Variants in LAMA1 observed in about 807,000 individuals in gnomAD.
LAMA1 encodes laminin subunit alpha-1.
A neutral mutation model predicts 348.7 loss-of-function variants in LAMA1; 219 were observed. That is an observed-to-expected ratio of 0.63 (90% confidence interval 0.56 to 0.70). The LOEUF (loss-of-function observed/expected upper bound fraction) is 0.70. Ranked by LOEUF, LAMA1 falls within the 30% of genes least tolerant of loss-of-function variation. The pLI is 0.00. For synonymous variants in LAMA1, 1,487 were observed against 1,491.0 expected (o/e 1.00, Z 0.06); for missense variants, 3,744 against 3,888.0 (o/e 0.96, Z 0.99).
intron 1 of LAMA1, among the ~76,000 whole-genome samples, chr18:7,103,402 C>T (rs1268008663): frequency 2.0e-5 from 3 of 151,378 alleles, no homozygotes; most frequent in African/African-American, 7.3e-5. Context: ...GAGACTCCAT[C>T]TCAAAAATAA....
chr18:7,057,541 C>T (rs1460421892), intron 3 of LAMA1, among the ~76,000 whole-genome samples: 1 of 141,184 alleles, frequency 7.1e-6, no homozygotes, highest in Non-Finnish European at 1.5e-5. Context: ...ATGGCGTGGT[C>T]ACAGCTCACT....
rs1555643827 is a variant in LAMA1 at position 6,959,451 on chromosome 18, T to C, written c.7668A>G (p.Val2556=). The change falls in exon 54 of 63, where the codon GTA becomes GTG. Residue 2556 remains valine, a synonymous_variant. Transcript: ENST00000389658. The part of the protein sequence containing the change: ...SVMLIGGNIE[V]HVNPGDGTGL... ...CTGTCCCATCCCCAGGATTGACATG[T>C]ACCTCAATGTTGCCTCCGATCAGCA... 6.2e-7 allele frequency: 1 copy of C among 1,614,222 alleles called. No individual in the cohort carries two copies. Among genetic ancestry groups the C allele is most frequent in the South Asian group, 1.1e-5 (1 of 91,080 alleles).
At chr18:6,979,288 T>C (rs1245012645) in intron 42 of LAMA1, among the ~76,000 whole-genome samples, 3 of 152,174 alleles carry the variant, frequency 2.0e-5, no homozygotes, top group Non-Finnish European at 4.4e-5. Flanking sequence ...CCAGGTAACT[T>C]CCATGCTTAC....
In LAMA1 at chr18:6,943,353, T is replaced by C. The variant is rs2057508374; in HGVS notation, c.8894A>G (p.Glu2965Gly). Residue 2965 changes from glutamate (E) to glycine (G), a missense_variant, in exon 62 of 63, where the codon GAG becomes GGG. By Grantham distance (98) the Glu-to-Gly change is moderately conservative. Around this residue, in one of 3 missense-constraint regions of LAMA1, gnomAD observed 232 missense variants for 264.4 expected, o/e 0.88. Coordinates refer to ENST00000389658, the MANE Select transcript of LAMA1 (RefSeq NM_005559.4). ...ACAGAGCACAGTGGCGGTTTTGGGC[T>C]CATATGCAGCTGTTATCCTGCCAGC... ...NGAGRITAAY[E>G]PKTATVLCDG... 4.3e-6 allele frequency: 7 copies of C among 1,614,148 alleles called. No homozygotes were observed. Among genetic ancestry groups the C allele is most frequent in the Non-Finnish European group, 5.1e-6 (6 of 1,180,030 alleles).
chr18:6,987,640 A>G (rs1045111437), intron 36 of LAMA1, among the ~76,000 whole-genome samples: 2 of 152,192 alleles, frequency 1.3e-5, no homozygotes, highest in African/African-American at 4.8e-5. Context: ...TTGTCAGGAC[A>G]ATTTTGAAAA....
At position 6,966,243 on chromosome 18, in the gene LAMA1, C is replaced by T; in HGVS notation, c.6954G>A (p.Val2318=). 1.2e-6 allele frequency: 2 copies of T among 1,613,920 alleles called. No homozygotes were observed. The highest frequency in any genetic ancestry group is 1.7e-6 in the Non-Finnish European group (2 of 1,179,948). ...FHFDGSGYSV[V]EKSLPATVTQ... ...TCACGGTAGCCGGAAGTGACTTCTC[C>T]ACGACAGAGTACCCACTCCCGTCAA... is the stretch of plus-strand genomic sequence containing the variant. Residue 2318 remains valine, a synonymous_variant, in exon 49 of 63, where the codon GTG becomes GTA. Transcript: ENST00000389658.
At chr18:7,005,902 C>G (rs2057829815) in intron 29 of LAMA1, among the ~76,000 whole-genome samples, 1 of 152,114 alleles carries the variant, frequency 6.6e-6, no homozygotes, top group Non-Finnish European at 1.5e-5. Context: ...AAACCAGAAT[C>G]AAAATGTGGC....
chr18:7,012,184 T>A (rs780113145), intron 23 of LAMA1, 46 bp from the exon 24 acceptor site: 1 of 1,593,504 alleles, frequency 6.3e-7, no homozygotes, highest in Non-Finnish European at 8.6e-7. Context: ...AAAAAAGAGA[T>A]GTGATTTCTG....
chr18:7,063,420 G>A (rs759259294), intron 3 of LAMA1, among the ~76,000 whole-genome samples: 4 of 152,052 alleles, frequency 2.6e-5, no homozygotes, highest in African/African-American at 7.2e-5. Context: ...AAATGGTGCA[G>A]GTACTATGGA....
chr18:7,048,314 G>A (rs759949172), intron 5 of LAMA1, among the ~76,000 whole-genome samples: 19 of 152,214 alleles, frequency 1.2e-4, no homozygotes, highest in South Asian at 2.1e-4. Flanking sequence ...CAGGAACAGC[G>A]GGCATAAAAA....
chr18:7,116,148 A>T (rs140358014), intron 1 of LAMA1, among the ~76,000 whole-genome samples: 1 of 152,324 alleles, frequency 6.6e-6, no homozygotes, highest in East Asian at 1.9e-4. Context: ...ACTTTCTCCA[A>T]AAACCACTCA....
chr18:6,985,194 A>G lies in LAMA1; in HGVS notation c.5660+43T>C, dbSNP rs2057728585. 2.5e-6 allele frequency: 4 copies of G among 1,611,510 alleles called. No homozygotes were observed. The East Asian group carries it at 8.9e-5, about 36-fold the overall frequency. On this transcript the variant is annotated intron_variant, in intron 39 of 62. Coordinates refer to ENST00000389658, the MANE Select transcript of LAMA1 (RefSeq NM_005559.4). ...AAACATCCATCTATTTCTCCGATCA[A>G]TAGACTGCAAGCTCTTGAGTTCCCA...
In LAMA1 at chr18:6,979,761, C is replaced by CGT. The variant is rs1293342512; in HGVS notation, c.6007+759_6007+760insAC. On this transcript the variant is annotated intron_variant, in intron 42 of 62. Transcript: ENST00000389658. ...AAAAATACAAAAAATTAGCCGGGGA[C>CGT]GGTGGCGGGCGCCTGTAGTCCCAGC... Among the ~76,000 whole-genome samples the CGT allele has an allele frequency of 3.9e-3, 586 of 151,016 alleles. 4 individuals are homozygous for CGT. The highest frequency in any genetic ancestry group is 8.6e-3 in the African/African-American group (352 of 40,754).
At chr18:6,964,882 C>A in intron 50 of LAMA1, 79 bp from the exon 51 acceptor site, 1 of 1,507,392 alleles carries the variant, frequency 6.6e-7, no homozygotes. Flanking sequence ...CTTCTGGCAA[C>A]AAAGCTCATT....
At chr18:7,099,635 A>G (rs1188505893) in intron 1 of LAMA1, among the ~76,000 whole-genome samples, 2 of 152,082 alleles carry the variant, frequency 1.3e-5, no homozygotes, top group Non-Finnish European at 2.9e-5. Flanking sequence ...GAAATTCTCA[A>G]ATATGACACC....
chr18:7,087,408 A>G (rs2058222170), intron 1 of LAMA1, among the ~76,000 whole-genome samples: 1 of 152,206 alleles, frequency 6.6e-6, no homozygotes, highest in South Asian at 2.1e-4. Context: ...ATGATGCTCC[A>G]CGCCATCTTG....
chr18:7,000,713 T>C (rs1268447314), intron 30 of LAMA1, among the ~76,000 whole-genome samples: 1 of 152,190 alleles, frequency 6.6e-6, no homozygotes, highest in Non-Finnish European at 1.5e-5. Context: ...GCATGCAAAC[T>C]ACTGGAGACA....
chr18:6,999,822 G>T, intron 31 of LAMA1, 89 bp downstream of exon 31: 2 of 1,310,120 alleles, frequency 1.5e-6, no homozygotes, highest in Non-Finnish European at 2.2e-6. Context: ...ATTGATAATG[G>T]CTCCCAGATT....
chr18:7,111,110 G>A (rs750963327), intron 1 of LAMA1, among the ~76,000 whole-genome samples: 1 of 152,136 alleles, frequency 6.6e-6, no homozygotes, highest in African/African-American at 2.4e-5. Context: ...CAGCAATACA[G>A]GAGGTTCTCT....
Sources: allele counts gnomAD v4.1 joint callset (sites outside exome capture counted in the v4.1 genomes callset), GRCh38; gene constraint gnomAD v4.1.1; regional missense constraint gnomAD v4.1.1; transcripts MANE v1.5; gene names NCBI Gene and HGNC (gene_info 2026-07-23, HGNC 2026-07-21).